The following NOS1 variants were observed in gnomAD, a reference collection of about 807,000 sequenced individuals.
NOS1 encodes NOS type I.
A neutral mutation model predicts 164.5 loss-of-function variants in NOS1; 51 were observed. The observed-to-expected ratio is 0.31, with a 90% CI of 0.25 to 0.39. NOS1 has a LOEUF of 0.39. Ranked by LOEUF, NOS1 falls within the 10% of genes least tolerant of loss-of-function variation. The pLI is 1.00. For missense variants in NOS1, 1,362 were observed against 1,885.6 expected, an observed-to-expected ratio of 0.72 and a Z score of 5.14; for synonymous variants, 719 against 745.8, an observed-to-expected ratio of 0.96 and a Z score of 0.59.
chr12:117,285,399 TC>T, intron 6 of NOS1, 67 bp from the exon 7 acceptor site: 1 of 1,099,210 alleles, frequency 9.1e-7, no homozygotes, highest in Non-Finnish European at 1.3e-6. Context: ...AGCGCAATCT[TC>T]CCATTTTAGG....
In NOS1 at chr12:117,234,837, G is replaced by A; in HGVS notation, c.3042-79C>T. On this transcript the variant is annotated intron_variant, in intron 20 of 28. Transcript: ENST00000317775. This position sits in a 1 kb window ranked among gnomAD's most constrained non-coding sequence, Gnocchi z 4.3. ...TTTTTTTGCTCTTCTGTCTGTCCTT[G>A]TTGGCTGCAATTCTCCTCCTTCCAT... The A allele has an allele frequency of 1.6e-6, 2 of 1,266,172 alleles. No homozygotes were observed. The highest frequency in any genetic ancestry group is 2.2e-6 in the Non-Finnish European group (2 of 917,004). The allele number at this position is 1,266,172 out of a possible 1,614,324, so 78.4% of individuals were successfully genotyped here.
chr12:117,314,548 G>A lies in NOS1; in HGVS notation c.726-2956C>T, dbSNP rs547401376. On this transcript the variant is annotated intron_variant, in intron 2 of 28. Transcript: ENST00000317775. The stretch of plus-strand genomic sequence containing the variant: ...TATGTAAGTTTCCCAAGGTCCCACC[G>A]TAAGCATATAGTACAGCTGGGATTT... Among the ~76,000 whole-genome samples the A allele has an allele frequency of 8.5e-4, 129 of 152,274 alleles. 1 individual carries two copies. Among genetic ancestry groups the A allele is most frequent in the African/African-American group, 2.8e-3 (118 of 41,570 alleles).
chr12:117,332,897 T>C (rs1875616687), intron 1 of NOS1, among the ~76,000 whole-genome samples: 2 of 152,324 alleles, frequency 1.3e-5, no homozygotes, highest in South Asian at 2.1e-4. Context: ...ATTTATATTC[T>C]AGTTATTTTC....
At chr12:117,338,090 A>C (rs1288855573) in intron 1 of NOS1, among the ~76,000 whole-genome samples, 1 of 151,880 alleles carries the variant, frequency 6.6e-6, no homozygotes, top group Non-Finnish European at 1.5e-5. Context: ...GGTGGCAGGC[A>C]CCTGTGATCC....
chr12:117,304,233 C>G (rs541710784), intron 3 of NOS1, among the ~76,000 whole-genome samples: 7 of 152,180 alleles, frequency 4.6e-5, no homozygotes, highest in African/African-American at 1.7e-4. Flanking sequence ...AAGGCAACCT[C>G]AGAGAACTAA....
At chr12:117,279,718 G>A (rs1873477991) in intron 8 of NOS1, among the ~76,000 whole-genome samples, 1 of 152,224 alleles carries the variant, frequency 6.6e-6, no homozygotes, top group Admixed American at 6.5e-5. Context: ...TGACCACGAG[G>A]ACAAGGTCAG....
At chr12:117,359,005 T>C (rs1170753193) in intron 1 of NOS1, among the ~76,000 whole-genome samples, 2 of 152,242 alleles carry the variant, frequency 1.3e-5, no homozygotes, top group Non-Finnish European at 2.9e-5. Flanking sequence ...TAGGTGACTA[T>C]GGCTAGGTAG....
In NOS1 at chr12:117,242,637, G is replaced by A; in HGVS notation, c.3031C>T (p.Pro1011Ser). Reference protein sequence around the residue: ...RLLSRQNLQSPKSSRSTIFVR... With the variant: ...RLLSRQNLQSSKSSRSTIFVR... Reference sequence around the variant, plus strand: ...CCAAGATGTTCCTACCTGGATTTAGGGCTCTGGAGGTTTTGACGGCTAAGG... The same window carrying A: ...CCAAGATGTTCCTACCTGGATTTAGAGCTCTGGAGGTTTTGACGGCTAAGG... The change falls in exon 20 of 29, where the codon CCT (proline) becomes TCT (serine). Residue 1011 changes from proline (P) to serine (S), a missense_variant. This residue lies in a region of NOS1 where 737 missense variants were observed against 1,030.3 expected (regional missense o/e 0.72). Transcript: ENST00000317775. The A allele has an allele frequency of 6.2e-7, 1 of 1,614,102 alleles. No homozygotes were observed. Among genetic ancestry groups the A allele is most frequent in the Non-Finnish European group, 8.5e-7 (1 of 1,179,950 alleles).
chr12:117,221,690 G>A (rs1002753348), intron 26 of NOS1, among the ~76,000 whole-genome samples: 2 of 151,662 alleles, frequency 1.3e-5, no homozygotes, highest in Non-Finnish European at 2.9e-5. Context: ...GTGGAGTGCA[G>A]TGGCATGATC....
Position 117,208,149 on chromosome 12 carries a change from C to T in NOS1, c.*7160G>A. 2.7e-6 allele frequency: 2 copies of T among 754,204 alleles called. No homozygotes were observed. Among genetic ancestry groups the T allele is most frequent in the Non-Finnish European group, 3.7e-6 (2 of 546,074 alleles). 46.7% of individuals were successfully genotyped at this position (754,204 alleles called of 1,614,324 possible). A position where few individuals can be genotyped will look rare whatever the true frequency, so the allele number is the denominator to read the frequency against. On this transcript the variant is annotated 3_prime_UTR_variant, in exon 29 of 29. Transcript: ENST00000317775. ...AGACAGCAGCCAGCCAAGTTGAATC[C>T]ACTTTTTAATATTGTAACCATAATG...
rs1869529973 is a variant in NOS1, at chr12:117,234,465, C to T, written c.3235+100G>A. Reference sequence around the variant, plus strand: ...CTGTTAGCAACAGACACCCACTCTCCTGCCTGGACTGGTGATTGGGAAGAA... The same window carrying T: ...CTGTTAGCAACAGACACCCACTCTCTTGCCTGGACTGGTGATTGGGAAGAA... On this transcript the variant is annotated intron_variant, in intron 21 of 28. Coordinates refer to ENST00000317775, the MANE Select transcript of NOS1 (RefSeq NM_000620.5). The surrounding 1 kb of genome is among the most constrained non-coding windows in gnomAD (Gnocchi z 4.3). The T allele has an allele frequency of 2.4e-6, 3 of 1,270,470 alleles. No individual in the cohort carries two copies. Among genetic ancestry groups the T allele is most frequent in the Non-Finnish European group, 3.3e-6 (3 of 910,490 alleles). 78.7% of individuals were successfully genotyped at this position (1,270,470 alleles called of 1,614,324 possible).
intron 18 of NOS1, among the ~76,000 whole-genome samples, chr12:117,244,194 G>A (rs1026092961): frequency 2.7e-5 from 4 of 145,578 alleles, no homozygotes; most frequent in Admixed American, 1.4e-4. Flanking sequence ...TTTTTTTTTT[G>A]GTCAAGCTCA....
rs115686262 is a variant in NOS1 at position 117,254,807 on chromosome 12, A to G, written c.2532-1053T>C. ...CTATAGTGGACAGCACAGATATAGAACATTTACATCTCTCTAGAAAGTTCT... is the reference window on the plus strand; with the variant it reads ...CTATAGTGGACAGCACAGATATAGAGCATTTACATCTCTCTAGAAAGTTCT... On this transcript the variant is annotated intron_variant, in intron 16 of 28. Transcript: ENST00000317775. Among the ~76,000 whole-genome samples, 1,148 of 152,272 alleles carry G rather than the reference A, an allele frequency of 7.5e-3. 22 individuals are homozygous for G. The highest frequency in any genetic ancestry group is 0.026 in the African/African-American group (1,069 of 41,550).
intron 1 of NOS1, among the ~76,000 whole-genome samples, chr12:117,341,206 A>C (rs1876096294): frequency 6.6e-6 from 1 of 152,120 alleles, no homozygotes; most frequent in Non-Finnish European, 1.5e-5. Flanking sequence ...GACCAGGTAA[A>C]AGGTACGGAC....
intron 9 of NOS1, among the ~76,000 whole-genome samples, chr12:117,276,954 C>T (rs1200871677): frequency 3.3e-5 from 5 of 152,116 alleles, no homozygotes; most frequent in African/African-American, 1.2e-4. Context: ...CAAAAGGGTA[C>T]AGATATCTCT....
At chr12:117,239,162 T>G (rs1869962828) in intron 20 of NOS1, among the ~76,000 whole-genome samples, 1 of 152,244 alleles carries the variant, frequency 6.6e-6, no homozygotes, top group African/African-American at 2.4e-5. Context: ...CTGGGAAGGC[T>G]GGAGAGAAGA....
chr12:117,254,823 A>G (rs892624441), intron 16 of NOS1, among the ~76,000 whole-genome samples: 1 of 152,174 alleles, frequency 6.6e-6, no homozygotes, highest in Non-Finnish European at 1.5e-5. Context: ...ACATCTCTCT[A>G]GAAAGTTCTT....
chr12:117,267,334 C>G (rs1872497343), intron 11 of NOS1, among the ~76,000 whole-genome samples: 1 of 152,182 alleles, frequency 6.6e-6, no homozygotes, highest in Admixed American at 6.5e-5. Context: ...CGCCTGTAAT[C>G]CCAGCACTTT....
chr12:117,358,053 G>A (rs918522976), intron 1 of NOS1, among the ~76,000 whole-genome samples: 3 of 152,102 alleles, frequency 2.0e-5, no homozygotes, highest in African/African-American at 7.2e-5. Flanking sequence ...TCCAAGCCCC[G>A]CACAGACCCA....
Sources: allele counts gnomAD v4.1 joint callset (sites outside exome capture counted in the v4.1 genomes callset), GRCh38; gene constraint gnomAD v4.1.1; regional missense constraint gnomAD v4.1.1; non-coding constraint Gnocchi (gnomAD v3.1); transcripts MANE v1.5; gene names NCBI Gene and HGNC (gene_info 2026-07-23, HGNC 2026-07-21).